PPP3CA: variants seen among roughly 807,000 people sequenced by gnomAD.
PPP3CA encodes protein phosphatase 3 catalytic subunit alpha, also known as CAM-PRP catalytic subunit.
PPP3CA carries 14 observed loss-of-function variants against 66.5 expected under a neutral mutation model. The ratio of observed to expected loss-of-function variants is 0.21; its 90% CI spans 0.14 to 0.33. The LOEUF is 0.33. Among genes scored for constraint, PPP3CA ranks in the 10% least tolerant of loss-of-function variants. PPP3CA has a pLI of 1.00. For missense variants in PPP3CA, 317 were observed against 639.5 expected, an observed-to-expected ratio of 0.50 and a Z score of 5.44; for synonymous variants, 232 against 226.2, an observed-to-expected ratio of 1.03 and a Z score of -0.23.
At chr4:101,068,844 C>CT (rs1728789845) in intron 8 of PPP3CA, among the ~76,000 whole-genome samples, 2 of 152,114 alleles carry the variant, frequency 1.3e-5, no homozygotes, top group African/African-American at 2.4e-5. Context: ...ATAACTTTTA[C>CT]TCTTTAGATC....
chr4:101,035,658 C>T (rs1215107817), intron 11 of PPP3CA, among the ~76,000 whole-genome samples: 1 of 152,044 alleles, frequency 6.6e-6, no homozygotes, highest in Non-Finnish European at 1.5e-5. Flanking sequence ...ATTTTCCTTC[C>T]TTCCTTGCTC....
chr4:101,160,210 A>G, intron 2 of PPP3CA, among the ~76,000 whole-genome samples: 1 of 152,172 alleles, frequency 6.6e-6, no homozygotes, highest in East Asian at 1.9e-4. Flanking sequence ...CAGTGACTGC[A>G]ATGATGAAGT....
chr4:101,127,079 C>T (rs762730802), intron 2 of PPP3CA, among the ~76,000 whole-genome samples: 53 of 152,154 alleles, frequency 3.5e-4, no homozygotes, highest in Admixed American at 9.2e-4. Context: ...CTTGTTTTCC[C>T]TTATCTGAGG....
At chr4:101,044,227 T>C (rs10023000) in intron 10 of PPP3CA, among the ~76,000 whole-genome samples, 9,689 of 152,278 alleles carry the variant, frequency 0.064, 350 homozygotes, top group African/African-American at 0.093. Context: ...TTCCAGGTTT[T>C]CGGTATTTTC....
intron 2 of PPP3CA, among the ~76,000 whole-genome samples, chr4:101,189,835 A>C (rs746785908): frequency 6.6e-6 from 1 of 152,104 alleles, no homozygotes; most frequent in Non-Finnish European, 1.5e-5. Flanking sequence ...ATGTTCGCTA[A>C]AATGAAAATG....
chr4:101,055,192 A>C, intron 10 of PPP3CA, among the ~76,000 whole-genome samples: 1 of 152,126 alleles, frequency 6.6e-6, no homozygotes, highest in Non-Finnish European at 1.5e-5. Flanking sequence ...CTGTTTCTCC[A>C]GACTTCCTTA....
chr4:101,326,271 C>T (rs1437913726), intron 1 of PPP3CA, among the ~76,000 whole-genome samples: 10 of 152,154 alleles, frequency 6.6e-5, no homozygotes, highest in Admixed American at 6.5e-4. Flanking sequence ...TTTAAATGTT[C>T]TGTTTTTCAA....
At chr4:101,163,330 A>G (rs13435792) in intron 2 of PPP3CA, among the ~76,000 whole-genome samples, 2,334 of 152,248 alleles carry the variant, frequency 0.015, 65 homozygotes, top group African/African-American at 0.053. Context: ...AGTGTGAAAT[A>G]TCTGGGGCTT....
chr4:101,045,794 A>G (rs1261848024), intron 10 of PPP3CA, among the ~76,000 whole-genome samples: 3 of 152,218 alleles, frequency 2.0e-5, no homozygotes, highest in Non-Finnish European at 2.9e-5. Flanking sequence ...TTTGCCAGAT[A>G]CCAAAAAAGA....
intron 1 of PPP3CA, among the ~76,000 whole-genome samples, chr4:101,342,855 G>A (rs1729860021): frequency 1.3e-5 from 2 of 152,108 alleles, no homozygotes; most frequent in African/African-American, 4.8e-5. Context: ...TTCTTTTTAA[G>A]TAGTATTATC....
At chr4:101,143,085 A>C (rs1722861354) in intron 2 of PPP3CA, among the ~76,000 whole-genome samples, 1 of 152,114 alleles carries the variant, frequency 6.6e-6, no homozygotes. Context: ...CACATAGTTT[A>C]ATTTCTACCA....
Position 101,195,938 on chromosome 4 carries a change from C to T in PPP3CA, c.237G>A (p.Leu79=). The T allele has an allele frequency of 6.2e-7, 1 of 1,613,864 alleles. No individual in the cohort carries two copies. The highest frequency in any genetic ancestry group is 2.2e-5 in the East Asian group (1 of 44,872). ...TACCAGTGACTGGCGCATCAATATC[C>T]AGCAAATTTTTTTCCTGTCGAAGAA... The part of the protein sequence containing the change: ...ASILRQEKNL[L]DIDAPVTVCG... The change falls in exon 2 of 14, where the codon CTG becomes CTA. Residue 79 remains leucine (L), a synonymous_variant. Coordinates refer to ENST00000394854, the MANE Select transcript of PPP3CA (RefSeq NM_000944.5).
At chr4:101,231,172 T>C (rs1207440862) in intron 1 of PPP3CA, among the ~76,000 whole-genome samples, 1 of 151,682 alleles carries the variant, frequency 6.6e-6, no homozygotes, top group Admixed American at 6.6e-5. Flanking sequence ...TTACAAATCT[T>C]ACAATGATGC....
intron 5 of PPP3CA, among the ~76,000 whole-genome samples, chr4:101,097,885 G>T (rs1467290653): frequency 1.3e-5 from 2 of 152,092 alleles, no homozygotes; most frequent in Admixed American, 6.6e-5. Context: ...CAGCCACTCA[G>T]TAAAATTAAT....
chr4:101,059,439 T>C (rs1227604303), intron 10 of PPP3CA, among the ~76,000 whole-genome samples: 1 of 152,112 alleles, frequency 6.6e-6, no homozygotes, highest in South Asian at 2.1e-4. Flanking sequence ...AGAGAAGTTA[T>C]AGAGGAGAAA....
At chr4:101,154,808 A>ATTTTT (rs779695561) in intron 2 of PPP3CA, among the ~76,000 whole-genome samples, 6,565 of 90,492 alleles carry the variant, frequency 0.073, 766 homozygotes, top group Admixed American at 0.14. Flanking sequence ...CACTCCCAGA[A>ATTTTT]TTTTTTTTTT....
rs145297084 is a variant in PPP3CA at position 101,048,323 on chromosome 4, C to T, written c.1157-7757G>A. On this transcript the variant is annotated intron_variant, in intron 10 of 13. Coordinates refer to ENST00000394854, the MANE Select transcript of PPP3CA (RefSeq NM_000944.5). ...TCCTCTTGAAATGTCTTATGGTAAT[C>T]GCGACAGTACAAATATTCCAGCCTG... 4.9e-4 allele frequency among the ~76,000 whole-genome samples: 74 copies of T among 151,910 alleles called. No individual in the cohort carries two copies. The Middle Eastern group carries it at 0.014, about 28-fold the overall frequency.
chr4:101,113,790 T>C (rs2110267413), intron 2 of PPP3CA, among the ~76,000 whole-genome samples: 1 of 152,200 alleles, frequency 6.6e-6, no homozygotes, highest in African/African-American at 2.4e-5. Context: ...TTACTATTGG[T>C]CCCCATCCTC....
At chr4:101,338,895 T>C (rs74644705) in intron 1 of PPP3CA, among the ~76,000 whole-genome samples, 2,135 of 152,304 alleles carry the variant, frequency 0.014, 38 homozygotes, top group African/African-American at 0.04. Context: ...TAAAACAAAC[T>C]TGAATTCCTG....
Sources: allele counts gnomAD v4.1 joint callset (sites outside exome capture counted in the v4.1 genomes callset), GRCh38; gene constraint gnomAD v4.1.1; transcripts MANE v1.5; gene names NCBI Gene and HGNC (gene_info 2026-07-23, HGNC 2026-07-21).